Variants in RCOR3 observed in about 807,000 individuals in gnomAD.
RCOR3 encodes REST corepressor 3.
A neutral mutation model predicts 64.1 loss-of-function variants in RCOR3; 13 were observed. The ratio of observed to expected loss-of-function variants is 0.20; its 90% CI spans 0.13 to 0.32. The LOEUF is 0.32. Ranked by LOEUF, RCOR3 falls within the 10% of genes least tolerant of loss-of-function variation. RCOR3 has a pLI of 1.00. For missense variants in RCOR3, 489 were observed against 701.2 expected (o/e 0.70, Z 3.42); for synonymous variants, 215 against 239.0 (o/e 0.90, Z 0.93).
intron 7 of RCOR3, among the ~76,000 whole-genome samples, chr1:211,284,243 G>A (rs1463973400): frequency 6.6e-6 from 1 of 151,266 alleles, no homozygotes. Flanking sequence ...TTGTTTGTTT[G>A]TTTGTTTTTT....
chr1:211,265,445 C>T (rs1487678925), intron 2 of RCOR3, among the ~76,000 whole-genome samples: 10 of 152,120 alleles, frequency 6.6e-5, no homozygotes, highest in Non-Finnish European at 1.2e-4. Flanking sequence ...GGGCCCGGCG[C>T]GGTGGCTCAC....
intron 7 of RCOR3, among the ~76,000 whole-genome samples, chr1:211,285,251 C>T (rs1244654283): frequency 2.0e-5 from 3 of 152,084 alleles, no homozygotes; most frequent in Admixed American, 6.6e-5. Context: ...TTTTTCTGAT[C>T]GTAAAGAGAA....
chr1:211,285,092 G>A (rs1698345664), intron 7 of RCOR3, among the ~76,000 whole-genome samples: 1 of 151,988 alleles, frequency 6.6e-6, no homozygotes, highest in Non-Finnish European at 1.5e-5. Flanking sequence ...TAACTTATTT[G>A]TATTACTTTT....
chr1:211,301,817 A>T (rs1328703144), intron 9 of RCOR3: 2 of 152,080 alleles, frequency 1.3e-5, no homozygotes, highest in East Asian at 1.9e-4. Context: ...ATGAAAAAAA[A>T]TTTTCATAAT....
rs568033855 is a variant in RCOR3, at chr1:211,284,026, A to G, written c.720+4710A>G. On this transcript the variant is annotated intron_variant, in intron 7 of 11. Transcript: ENST00000419091. ...TCAAAAGCATATAAATTTTAAATTT[A>G]TTATTTATTTATTTTATTTTATTTT... is the stretch of plus-strand genomic sequence containing the variant. Among the ~76,000 whole-genome samples the G allele has an allele frequency of 2.0e-5, 3 of 150,890 alleles. No individual in the cohort carries two copies. In the East Asian group the frequency reaches 5.8e-4, roughly 29 times the overall value.
intron 2 of RCOR3, among the ~76,000 whole-genome samples, chr1:211,268,462 C>T (rs892959300): frequency 2.0e-5 from 3 of 147,744 alleles, no homozygotes; most frequent in South Asian, 2.2e-4. Flanking sequence ...TCACCGCAAC[C>T]TCCGCCTCCC....
In RCOR3 at chr1:211,271,219, C is replaced by A. The variant is rs200745022; in HGVS notation, c.224-13C>A. On this transcript the variant is annotated splice_polypyrimidine_tract_variant and intron_variant, in intron 2 of 11. Coordinates refer to ENST00000419091, the MANE Select transcript of RCOR3 (RefSeq NM_001136223.3). ...AATCCATCATATTCAAAGTAATTAT[C>A]TTTTTCCCCCAGGTGCTACAAAGTA... 9 of 1,606,820 alleles carry A rather than the reference C, an allele frequency of 5.6e-6. No individual in the cohort carries two copies. The highest frequency in any genetic ancestry group is 6.8e-6 in the Non-Finnish European group (8 of 1,174,626).
chr1:211,268,434 CAATGGTGTGATCTCGGCTCACCGCAACCT>C (rs1695595554), intron 2 of RCOR3, among the ~76,000 whole-genome samples: 1 of 122,916 alleles, frequency 8.1e-6, no homozygotes, highest in East Asian at 2.4e-4. Flanking sequence ...GGCTGGAGTG[CAATGGTGTGATCTCGGCTCACCGCAACCT>C]CCGCCTCCCA....
Position 211,312,764 on chromosome 1 carries a change from A to G in RCOR3, c.1120A>G (p.Ile374Val). The change falls in exon 11 of 12, where the codon ATT (isoleucine) becomes GTT (valine). Residue 374 changes from isoleucine (I) to valine (V), a missense_variant. Coordinates refer to ENST00000419091, the MANE Select transcript of RCOR3 (RefSeq NM_001136223.3). This position sits in a 1 kb window ranked among gnomAD's most constrained non-coding sequence, Gnocchi z 5.0. ...AGATTTTCAAGCTATTGCAGATGTA[A>G]TTGGCAACAAGACTGTTGGCCAAGT... is the stretch of plus-strand genomic sequence containing the variant. ...GKDFQAIADV[I>V]GNKTVGQVKN... is the part of the protein sequence containing the mutation. 1 of 1,614,208 alleles carries G rather than the reference A, an allele frequency of 6.2e-7. No individual in the cohort carries two copies. The highest frequency in any genetic ancestry group is 8.5e-7 in the Non-Finnish European group (1 of 1,180,042).
At chr1:211,289,597 G>A (rs1698991077) in intron 8 of RCOR3, among the ~76,000 whole-genome samples, 1 of 152,312 alleles carries the variant, frequency 6.6e-6, no homozygotes, top group South Asian at 2.1e-4. Context: ...ATTGCTGCCT[G>A]TTAGCTCTGT....
chr1:211,278,075 T>A, intron 5 of RCOR3, 42 bp from the exon 6 acceptor site: 1 of 1,510,692 alleles, frequency 6.6e-7, no homozygotes, highest in Non-Finnish European at 9.0e-7. Context: ...TTCATTTTGT[T>A]TATGAATTAA....
intron 2 of RCOR3, among the ~76,000 whole-genome samples, chr1:211,268,834 T>G (rs889112878): frequency 3.3e-5 from 5 of 151,684 alleles, no homozygotes; most frequent in Admixed American, 1.3e-4. Context: ...TTCAGTTCTC[T>G]TTTCTTCTTA....
At chr1:211,263,429 A>G (rs1260885831) in intron 2 of RCOR3, among the ~76,000 whole-genome samples, 4 of 24,034 alleles carry the variant, frequency 1.7e-4, no homozygotes, top group Non-Finnish European at 4.7e-4. Context: ...CATATTTTCA[A>G]TTTATTTACT....
At chr1:211,279,503 A>G (rs3767380) in intron 7 of RCOR3, among the ~76,000 whole-genome samples, 187 bp downstream of exon 7, 45,405 of 152,124 alleles carry the variant, frequency 0.3, 7,080 homozygotes, top group South Asian at 0.36. Flanking sequence ...TGAAAATACC[A>G]TTGAAACTGG....
At chr1:211,275,078 T>G (rs1696778776) in intron 4 of RCOR3, among the ~76,000 whole-genome samples, 1 of 151,428 alleles carries the variant, frequency 6.6e-6, no homozygotes, top group African/African-American at 2.4e-5. Context: ...ATATGGTACA[T>G]TACCCTTAGT....
intron 5 of RCOR3, 71 bp downstream of exon 5, chr1:211,276,489 A>G (rs939531068): frequency 1.1e-5 from 14 of 1,245,674 alleles, no homozygotes; most frequent in African/African-American, 1.5e-5. Context: ...ACACTTCCTA[A>G]TTATTAAATA....
At position 211,259,478 on chromosome 1, in the gene RCOR3, C is replaced by G. The variant is rs1693779855; in HGVS notation, c.-83C>G. The G allele has an allele frequency of 7.1e-7, 1 of 1,411,374 alleles. No individual in the cohort carries two copies. Among genetic ancestry groups the G allele is most frequent in the Non-Finnish European group, 9.6e-7 (1 of 1,043,756 alleles). The allele number at this position is 1,411,374 out of a possible 1,614,324, so 87.4% of individuals were successfully genotyped here. A position where few individuals can be genotyped will look rare whatever the true frequency, so the allele number is the denominator to read the frequency against. ...CCGTCTCCTCCTCCTCCTCCTTTCC[C>G]TCCCGCCCGCGCTCTAAGCCATCTC... On this transcript the variant is annotated 5_prime_UTR_variant, in exon 1 of 12. Transcript: ENST00000419091.
At chr1:211,270,349 C>T (rs1447582364) in intron 2 of RCOR3, among the ~76,000 whole-genome samples, 2 of 152,146 alleles carry the variant, frequency 1.3e-5, no homozygotes, top group South Asian at 2.1e-4. Flanking sequence ...AGGCATGAGC[C>T]ACCACACCCA....
intron 8 of RCOR3, among the ~76,000 whole-genome samples, chr1:211,293,269 TTTC>T (rs1025924252): frequency 1.3e-5 from 2 of 152,176 alleles, no homozygotes; most frequent in Non-Finnish European, 2.9e-5. Flanking sequence ...TTTACCCTAT[TTTC>T]TTCTTCACAT....
Sources: allele counts gnomAD v4.1 joint callset (sites outside exome capture counted in the v4.1 genomes callset), GRCh38; gene constraint gnomAD v4.1.1; non-coding constraint Gnocchi (gnomAD v3.1); transcripts MANE v1.5; gene names NCBI Gene and HGNC (gene_info 2026-07-23, HGNC 2026-07-21).